Variants in SBF2 observed in about 807,000 individuals in gnomAD.
SBF2 encodes the protein myotubularin-related protein 13.
A neutral mutation model predicts 225.2 loss-of-function variants in SBF2; 112 were observed. That is an observed-to-expected ratio of 0.50 (90% CI 0.43 to 0.58). The LOEUF is 0.58. Ranked by LOEUF, SBF2 falls within the 20% of genes least tolerant of loss-of-function variation. The probability of loss-of-function intolerance (pLI) is 0.00; values close to 1 mark genes in which losing one functional copy is unlikely to be tolerated. For missense variants in SBF2, 1,996 were observed against 2,206.2 expected (o/e 0.90, Z 1.91); for synonymous variants, 763 against 773.3 (o/e 0.99, Z 0.22).
intron 2 of SBF2, among the ~76,000 whole-genome samples, chr11:10,050,866 G>A (rs1950035909): frequency 6.6e-6 from 1 of 152,094 alleles, no homozygotes; most frequent in South Asian, 2.1e-4. Context: ...CCAATGAATT[G>A]TTTCTGGAAT....
intron 17 of SBF2, among the ~76,000 whole-genome samples, chr11:9,876,344 T>C (rs891810517): frequency 6.6e-6 from 1 of 152,216 alleles, no homozygotes; most frequent in African/African-American, 2.4e-5. Flanking sequence ...TTATTTACTA[T>C]GTGTTATAAA....
In SBF2 at chr11:9,969,566, C is replaced by A. The variant is rs1278565920; in HGVS notation, c.1396-1021G>T. On this transcript the variant is annotated intron_variant, in intron 13 of 39. Transcript: ENST00000256190. ...AGAACTTCTTGTTCCTGACTCAAAG[C>A]CTTTGCACTTAACTGTTCTCTCTGC... Among the ~76,000 whole-genome samples the A allele has an allele frequency of 2.0e-5, 3 of 152,186 alleles. No homozygotes were observed. In the East Asian group the frequency reaches 5.8e-4, roughly 29 times the overall value.
intron 16 of SBF2, among the ~76,000 whole-genome samples, chr11:9,913,554 G>A (rs965909543): frequency 2.0e-5 from 3 of 151,738 alleles, no homozygotes; most frequent in African/African-American, 7.3e-5. Flanking sequence ...CCATTCCTAG[G>A]TATATATTCT....
chr11:10,192,879 A>C (rs377179593), intron 2 of SBF2, among the ~76,000 whole-genome samples: 1 of 152,050 alleles, frequency 6.6e-6, no homozygotes, highest in Admixed American at 6.6e-5. Flanking sequence ...ACACACACAC[A>C]CCCCCAGTAA....
At chr11:10,291,695 C>T (rs950695901) in intron 1 of SBF2, among the ~76,000 whole-genome samples, 41 of 147,896 alleles carry the variant, frequency 2.8e-4, no homozygotes, top group African/African-American at 9.4e-4. Context: ...CACACACACA[C>T]ACAGACTCCA....
intron 16 of SBF2, among the ~76,000 whole-genome samples, chr11:9,913,869 T>A (rs1862854270): frequency 6.6e-6 from 1 of 152,158 alleles, no homozygotes; most frequent in East Asian, 1.9e-4. Flanking sequence ...GTTGTTGTTG[T>A]TGCTGTTGTT....
At chr11:9,956,440 TATC>T (rs1158135211) in intron 16 of SBF2, 2 of 152,244 alleles carry the variant, frequency 1.3e-5, no homozygotes, top group Non-Finnish European at 2.9e-5. Flanking sequence ...TGTTTGATAT[TATC>T]AGACTTTTTA....
At chr11:9,959,388 C>T in intron 16 of SBF2, 1 of 816,498 alleles carries the variant, frequency 1.2e-6, no homozygotes, top group Non-Finnish European at 2.2e-6. Context: ...CCGTCTGTCC[C>T]CATGAGATTA....
intron 2 of SBF2, among the ~76,000 whole-genome samples, chr11:10,084,861 C>A (rs1412132965): frequency 1.3e-5 from 2 of 152,142 alleles, no homozygotes; most frequent in Non-Finnish European, 2.9e-5. Context: ...TTCTCACTTA[C>A]AAGTGGGTGC....
chr11:9,927,415 C>G (rs2134245012), intron 16 of SBF2, among the ~76,000 whole-genome samples: 2 of 152,270 alleles, frequency 1.3e-5, no homozygotes, highest in Admixed American at 1.3e-4. Context: ...GCTACCAAAA[C>G]CAGACACAGA....
intron 6 of SBF2, among the ~76,000 whole-genome samples, chr11:10,011,369 G>A (rs1414888020): frequency 1.3e-5 from 2 of 152,084 alleles, no homozygotes; most frequent in African/African-American, 2.4e-5. Context: ...TGGGACCATA[G>A]GTGTACACCA....
chr11:10,235,716 T>C (rs1430139699), intron 1 of SBF2, among the ~76,000 whole-genome samples: 4 of 152,200 alleles, frequency 2.6e-5, no homozygotes, highest in Non-Finnish European at 2.9e-5. Flanking sequence ...AGGACTATCA[T>C]TGACAATGTC....
chr11:10,253,255 T>C (rs1960544701), intron 1 of SBF2, among the ~76,000 whole-genome samples: 1 of 151,970 alleles, frequency 6.6e-6, no homozygotes, highest in South Asian at 2.1e-4. Flanking sequence ...CAGATCTGAC[T>C]TTTTAAACTA....
intron 2 of SBF2, among the ~76,000 whole-genome samples, chr11:10,151,811 A>C (rs1955206981): frequency 6.6e-6 from 1 of 152,192 alleles, no homozygotes; most frequent in African/African-American, 2.4e-5. Context: ...ATATTTAAAT[A>C]GGTCTATTGC....
chr11:10,064,505 C>T (rs893948805), intron 2 of SBF2, among the ~76,000 whole-genome samples: 4 of 151,882 alleles, frequency 2.6e-5, no homozygotes, highest in Admixed American at 6.5e-5. Flanking sequence ...TTTAAGACCA[C>T]GTAAAAAAGC....
intron 1 of SBF2, among the ~76,000 whole-genome samples, chr11:10,209,856 A>C (rs894652926): frequency 6.6e-6 from 1 of 152,146 alleles, no homozygotes; most frequent in East Asian, 1.9e-4. Context: ...TCTCGAAGAC[A>C]ACACTCAGGA....
At chr11:10,065,117 A>G (rs933661876) in intron 2 of SBF2, among the ~76,000 whole-genome samples, 19 of 152,332 alleles carry the variant, frequency 1.2e-4, no homozygotes, top group African/African-American at 3.6e-4. Context: ...AAAAACAGAA[A>G]TATCTCTTGA....
chr11:9,850,113 G>T lies in SBF2; in HGVS notation c.2716C>A (p.Leu906Ile), dbSNP rs760903950. 3 of 1,614,174 alleles carry T rather than the reference G, an allele frequency of 1.9e-6. No individual in the cohort carries two copies. Among genetic ancestry groups the T allele is most frequent in the Admixed American group, 3.3e-5 (2 of 60,024 alleles). ...GCTGGCAGGAGCTGAGGGCCTCCAAGAAGACCTCCAGTAGCTTCTTCTCTT... is the reference window on the plus strand; with the variant it reads ...GCTGGCAGGAGCTGAGGGCCTCCAATAAGACCTCCAGTAGCTTCTTCTCTT... ...DGREEATGGL[L>I]GGPQLLPAEG... The change falls in exon 22 of 40, where the codon CTT (leucine) becomes ATT (isoleucine). Residue 906 changes from leucine (L) to isoleucine (I), a missense_variant. By Grantham distance (5) the Leu-to-Ile change is conservative. Transcript: ENST00000256190.
intron 33 of SBF2, among the ~76,000 whole-genome samples, chr11:9,793,651 A>AG (rs938487694): frequency 9.7e-4 from 64 of 66,034 alleles, no homozygotes; most frequent in African/African-American, 2.1e-3. Context: ...TGGCCTCCTC[A>AG]AAGTGCTGGG....
Sources: allele counts gnomAD v4.1 joint callset (sites outside exome capture counted in the v4.1 genomes callset), GRCh38; gene constraint gnomAD v4.1.1; transcripts MANE v1.5; gene names NCBI Gene and HGNC (gene_info 2026-07-23, HGNC 2026-07-21).